The following LINGO2 variants were observed in gnomAD, a reference collection of about 807,000 sequenced individuals.
The protein encoded by LINGO2 is leucine rich repeat and Ig domain containing 2.
In LINGO2, 14 loss-of-function variants were observed where a neutral mutation model predicts 30.6. The ratio of observed to expected loss-of-function variants is 0.46; its 90% CI spans 0.30 to 0.72. The LOEUF is 0.72. Ranked by LOEUF, LINGO2 falls within the 30% of genes least tolerant of loss-of-function variation. The probability of loss-of-function intolerance (pLI) is 0.07; values close to 1 mark genes in which losing one functional copy is unlikely to be tolerated. For missense variants in LINGO2, 729 were observed against 751.7 expected (o/e 0.97, Z 0.35); for synonymous variants, 317 against 288.5 (o/e 1.10, Z -1.00).
chr9:28,592,553 C>G (rs1824968332), intron 1 of LINGO2, among the ~76,000 whole-genome samples: 1 of 152,054 alleles, frequency 6.6e-6, no homozygotes, highest in African/African-American at 2.4e-5. Flanking sequence ...TGAAGCACAG[C>G]TGAATAAATG....
At chr9:28,267,414 C>T (rs1822790936) in intron 4 of LINGO2, among the ~76,000 whole-genome samples, 1 of 152,022 alleles carries the variant, frequency 6.6e-6, no homozygotes, top group South Asian at 2.1e-4. Context: ...CAAACATTCA[C>T]ACCCAGAATG....
intron 4 of LINGO2, among the ~76,000 whole-genome samples, chr9:28,282,056 T>C (rs1823347351): frequency 6.6e-6 from 1 of 152,264 alleles, no homozygotes; most frequent in African/African-American, 2.4e-5. Flanking sequence ...TCACAAAGCA[T>C]GCCAGATGTA....
At chr9:29,042,993 G>GAT in the LINGO2 span, among the ~76,000 whole-genome samples, 8 of 151,646 alleles carry the variant, frequency 5.3e-5, no homozygotes, top group Admixed American at 2.0e-4. Context: ...ATCCTTGTGA[G>GAT]ATATATATAT....
chr9:28,447,853 T>A (rs75874740), intron 2 of LINGO2, among the ~76,000 whole-genome samples: 3,405 of 152,210 alleles, frequency 0.022, 113 homozygotes, highest in East Asian at 0.096. Context: ...TTGGGAAAAA[T>A]TTTTAAATAA....
At chr9:28,866,439 T>G in the LINGO2 span, among the ~76,000 whole-genome samples, 3 of 152,008 alleles carry the variant, frequency 2.0e-5, no homozygotes, top group African/African-American at 4.8e-5. Flanking sequence ...GAATTCAGAG[T>G]ACCACGGGGC....
the LINGO2 span, among the ~76,000 whole-genome samples, chr9:29,043,729 C>G: frequency 6.6e-6 from 1 of 151,906 alleles, no homozygotes; most frequent in Non-Finnish European, 1.5e-5. Flanking sequence ...TACAGACTGA[C>G]CTCCCTTGAT....
chr9:29,160,414 G>A, the LINGO2 span, among the ~76,000 whole-genome samples: 10 of 152,104 alleles, frequency 6.6e-5, no homozygotes, highest in Admixed American at 3.9e-4. Context: ...CAATTAAAGG[G>A]GGGCAATAAT....
intron 4 of LINGO2, among the ~76,000 whole-genome samples, chr9:28,245,865 G>C (rs1443015988): frequency 6.6e-6 from 1 of 151,948 alleles, no homozygotes; most frequent in Non-Finnish European, 1.5e-5. Context: ...TGGCCATACT[G>C]CTCAAAATAA....
Position 28,446,382 on chromosome 9 carries a change from G to C in LINGO2, c.-279+29558C>G, listed in dbSNP as rs16913077. Among the ~76,000 whole-genome samples, 1,289 of 152,254 alleles carry C rather than the reference G, an allele frequency of 8.5e-3. 18 individuals carry two copies. The highest frequency in any genetic ancestry group is 0.029 in the African/African-American group (1,204 of 41,534). On this transcript the variant is annotated intron_variant, in intron 2 of 5. Coordinates refer to ENST00000379992, the Ensembl canonical transcript of LINGO2. ...CTGGAATGCTTGGCCATTTTAAGCTGGGTTTCAGAGGAGCATACTGCTAAC... is the reference window on the plus strand; with the variant it reads ...CTGGAATGCTTGGCCATTTTAAGCTCGGTTTCAGAGGAGCATACTGCTAAC...
chr9:28,958,719 G>T, the LINGO2 span, among the ~76,000 whole-genome samples: 1 of 152,162 alleles, frequency 6.6e-6, no homozygotes, highest in East Asian at 1.9e-4. Context: ...GGAGAAAAAA[G>T]GAGAGAAGGG....
At chr9:28,634,227 TA>T (rs1261014964) in intron 1 of LINGO2, among the ~76,000 whole-genome samples, 2 of 152,184 alleles carry the variant, frequency 1.3e-5, no homozygotes, top group Non-Finnish European at 2.9e-5. Context: ...CTGGTTTTCT[TA>T]AACTAGCTAG....
intron 2 of LINGO2, among the ~76,000 whole-genome samples, chr9:28,414,562 A>C (rs1441985258): frequency 6.6e-6 from 1 of 152,128 alleles, no homozygotes; most frequent in Admixed American, 6.6e-5. Context: ...CTGTGTATTT[A>C]ATATTCAAAG....
chr9:28,984,951 A>G, the LINGO2 span, among the ~76,000 whole-genome samples: 1 of 152,086 alleles, frequency 6.6e-6, no homozygotes, highest in African/African-American at 2.4e-5. Context: ...TATGTGACAT[A>G]CCTCAAAAAG....
intron 2 of LINGO2, among the ~76,000 whole-genome samples, chr9:28,392,948 T>C (rs1821897169): frequency 6.6e-6 from 1 of 152,168 alleles, no homozygotes; most frequent in South Asian, 2.1e-4. Flanking sequence ...TCCCCAAGGG[T>C]AAGGCTATGA....
the LINGO2 span, among the ~76,000 whole-genome samples, chr9:28,994,550 T>C: frequency 7.3e-5 from 11 of 151,224 alleles, no homozygotes; most frequent in African/African-American, 1.9e-4. Flanking sequence ...AAAAAGAGCC[T>C]GCATCGCCAA....
At chr9:28,310,511 T>C (rs568838787) in intron 3 of LINGO2, among the ~76,000 whole-genome samples, 4 of 152,202 alleles carry the variant, frequency 2.6e-5, no homozygotes, top group African/African-American at 9.6e-5. Flanking sequence ...CAAATTCAAA[T>C]TAATTATGAT....
intron 4 of LINGO2, among the ~76,000 whole-genome samples, chr9:28,097,348 G>A (rs1407359149): frequency 6.6e-6 from 1 of 150,796 alleles, no homozygotes; most frequent in Non-Finnish European, 1.5e-5. Flanking sequence ...TATACCCAAA[G>A]GACTACAAAT....
intron 1 of LINGO2, among the ~76,000 whole-genome samples, chr9:28,598,452 C>CAAAAA (rs1249831999): frequency 2.9e-5 from 4 of 136,502 alleles, no homozygotes; most frequent in African/African-American, 1.1e-4. Flanking sequence ...AACAAACAAA[C>CAAAAA]AAAAAAAACG....
the LINGO2 span, among the ~76,000 whole-genome samples, chr9:28,904,590 A>G: frequency 6.6e-6 from 1 of 152,168 alleles, no homozygotes; most frequent in Non-Finnish European, 1.5e-5. Context: ...AAACCAAAAG[A>G]ACAATCCTAT....
Sources: allele counts gnomAD v4.1 joint callset (sites outside exome capture counted in the v4.1 genomes callset), GRCh38; gene constraint gnomAD v4.1.1; transcripts MANE v1.5; gene names NCBI Gene and HGNC (gene_info 2026-07-23, HGNC 2026-07-21).